Variants in C1QTNF8 observed in about 807,000 individuals in gnomAD.
The protein encoded by C1QTNF8 is C1q and TNF related 8, also known as complement C1q tumor necrosis factor-related protein 8.
A neutral mutation model predicts 19.2 loss-of-function variants in C1QTNF8; 27 were observed. That is an observed-to-expected ratio of 1.41 (90% CI 1.04 to 1.94). C1QTNF8 has a LOEUF of 1.94. Ranked by LOEUF, C1QTNF8 falls within the 30% of genes most tolerant of loss-of-function variation. The pLI is 0.00. For synonymous variants in C1QTNF8, 208 were observed against 172.8 expected, an observed-to-expected ratio of 1.20 and a Z score of -1.60; for missense variants, 484 against 374.4, an observed-to-expected ratio of 1.29 and a Z score of -2.42.
chr16:1,091,473 G>A (rs112019703), intron 4 of C1QTNF8, among the ~76,000 whole-genome samples: 7 of 152,070 alleles, frequency 4.6e-5, no homozygotes, highest in African/African-American at 1.2e-4. Flanking sequence ...AAGTGAGCAC[G>A]TGGCTGGGAG....
intron 4 of C1QTNF8, 71 bp downstream of exon 4, chr16:1,093,412 ACCCACACCCACCCC>A (rs1960601740): frequency 2.0e-6 from 1 of 500,514 alleles, no homozygotes; most frequent in African/African-American, 3.3e-5. Flanking sequence ...ACACACACAC[ACCCACACCCACCCC>A]CACACACACA....
rs1222257156 is a variant in C1QTNF8 at position 1,093,705 on chromosome 16, G to T, written c.555C>A (p.Asn185Lys). ...CGTAGAGCACGGCCGCGGGCCGCCG[G>T]TTCAGCATGATGTGCAGGTAGGTCT... ...YKETYLHIML[N>K]RRPAAVLYAQ... The change falls in exon 4 of 5, where the codon AAC (asparagine) becomes AAA (lysine). Residue 185 changes from asparagine to lysine, a missense_variant. Coordinates refer to ENST00000328449, the MANE Select transcript of C1QTNF8 (RefSeq NM_207419.3). The T allele has an allele frequency of 3.1e-6, 5 of 1,612,072 alleles. No individual in the cohort carries two copies. In the Admixed American group the frequency reaches 5.0e-5, roughly 16 times the overall value.
rs917324956 is a variant in C1QTNF8, at chr16:1,089,273, G to T, written c.*1326C>A. Among the ~76,000 whole-genome samples, 3 of 152,084 alleles carry T rather than the reference G, an allele frequency of 2.0e-5. No individual in the cohort carries two copies. The highest frequency in any genetic ancestry group is 4.4e-5 in the Non-Finnish European group (3 of 67,986). Reference sequence around the variant, plus strand: ...GCCAAGAACCTCTGCATGGCCAGCCGGGACCCCCACCCCCAGCAGCCCATA... The same window carrying T: ...GCCAAGAACCTCTGCATGGCCAGCCTGGACCCCCACCCCCAGCAGCCCATA... On this transcript the variant is annotated 3_prime_UTR_variant, in exon 5 of 5. Coordinates refer to ENST00000328449, the MANE Select transcript of C1QTNF8 (RefSeq NM_207419.3).
chr16:1,092,218 A>G (rs1960559896), intron 4 of C1QTNF8, among the ~76,000 whole-genome samples: 1 of 152,166 alleles, frequency 6.6e-6, no homozygotes, highest in Non-Finnish European at 1.5e-5. Context: ...ACTTGCTCCC[A>G]ACACACCCAG....
intron 2 of C1QTNF8, among the ~76,000 whole-genome samples, chr16:1,095,177 T>C (rs1960658621): frequency 6.6e-6 from 1 of 152,158 alleles, no homozygotes; most frequent in Non-Finnish European, 1.5e-5. Flanking sequence ...TCCCCAAAGC[T>C]GGGGCCCCCA....
intron 4 of C1QTNF8, 87 bp downstream of exon 4, chr16:1,093,410 A>C (rs1401744391): frequency 2.5e-3 from 1,135 of 458,148 alleles, no homozygotes; most frequent in Admixed American, 5.0e-3. Flanking sequence ...CCACACACAC[A>C]CACCCACACC....
rs1370229095 is a variant in C1QTNF8, at chr16:1,094,783, AG to A, written c.139del (p.Leu47CysfsTer17). 3.2e-6 allele frequency: 5 copies of A among 1,539,788 alleles called. No homozygotes were observed. Among genetic ancestry groups the A allele is most frequent in the Non-Finnish European group, 4.4e-6 (5 of 1,144,946 alleles). On this transcript the variant is annotated frameshift_variant, in exon 3 of 5. Coordinates refer to ENST00000328449, the MANE Select transcript of C1QTNF8 (RefSeq NM_207419.3). LOFTEE classifies it high-confidence loss of function. ...GPYARVSDRD[L>X]WRGDLWRGLP... ...CCCCCTCCACAGGTCCCCCCTCCAC[AG>A]GTCCCTGTCACTCACCCGGGCATAG...
intron 4 of C1QTNF8, among the ~76,000 whole-genome samples, chr16:1,091,798 C>T (rs1016911463): frequency 4.6e-5 from 7 of 150,858 alleles, no homozygotes; most frequent in Non-Finnish European, 1.5e-5. Context: ...TGCGCTCAGC[C>T]GCGTGTTTCC....
rs994025820 is a variant in C1QTNF8 at position 1,093,859 on chromosome 16, T to C, written c.401A>G (p.Gln134Arg). 6 of 1,603,052 alleles carry C rather than the reference T, an allele frequency of 3.7e-6. No individual in the cohort carries two copies. In the African/African-American group the frequency reaches 8.0e-5, roughly 21 times the overall value. ...REGLHSSDHF[Q>R]AVPFDTELVN... Reference sequence around the variant, plus strand: ...CAGCTCCGTGTCGAAGGGCACCGCCTGGAAGTGGTCGGAGCTGTGCAGGCC... The same window carrying C: ...CAGCTCCGTGTCGAAGGGCACCGCCCGGAAGTGGTCGGAGCTGTGCAGGCC... The change falls in exon 4 of 5, where the codon CAG becomes CGG. Residue 134 changes from glutamine to arginine, a missense_variant. Coordinates refer to ENST00000328449, the MANE Select transcript of C1QTNF8 (RefSeq NM_207419.3).
intron 3 of C1QTNF8, 81 bp from the exon 4 acceptor site, chr16:1,094,132 G>A (rs1251894970): frequency 6.1e-6 from 7 of 1,156,932 alleles, no homozygotes; most frequent in Non-Finnish European, 7.9e-6. Context: ...CCAGGGGCTG[G>A]GGCTCAAGGG....
intron 2 of C1QTNF8, among the ~76,000 whole-genome samples, chr16:1,095,342 C>A (rs1413680660): frequency 6.6e-6 from 1 of 152,196 alleles, no homozygotes; most frequent in Non-Finnish European, 1.5e-5. Context: ...AAAGGCCCCC[C>A]AAGGCTGGCC....
intron 3 of C1QTNF8, 150 bp from the exon 4 acceptor site, chr16:1,094,201 G>A (rs1050432074): frequency 3.6e-5 from 23 of 636,366 alleles, no homozygotes; most frequent in African/African-American, 1.9e-4. Context: ...CCGCGTCCAC[G>A]TCTGTAAGAT....
chr16:1,093,700 C>A lies in C1QTNF8; in HGVS notation c.560G>T (p.Arg187Leu), dbSNP rs1329429082. 2 of 1,611,488 alleles carry A rather than the reference C, an allele frequency of 1.2e-6. No homozygotes were observed. Among genetic ancestry groups the A allele is most frequent in the Admixed American group, 1.7e-5 (1 of 59,830 alleles). The change falls in exon 4 of 5, where the codon CGG becomes CTG. Residue 187 changes from arginine (R) to leucine (L), a missense_variant. By Grantham distance (102) the Arg-to-Leu change is moderately radical. Coordinates refer to ENST00000328449, the MANE Select transcript of C1QTNF8 (RefSeq NM_207419.3). ...CTGCGCGTAGAGCACGGCCGCGGGCCGCCGGTTCAGCATGATGTGCAGGTA... is the reference window on the plus strand; with the variant it reads ...CTGCGCGTAGAGCACGGCCGCGGGCAGCCGGTTCAGCATGATGTGCAGGTA... ...ETYLHIMLNR[R>L]PAAVLYAQPS...
chr16:1,091,047 T>C (rs1391545634), intron 4 of C1QTNF8, among the ~76,000 whole-genome samples: 5 of 151,412 alleles, frequency 3.3e-5, no homozygotes, highest in Admixed American at 2.0e-4. Flanking sequence ...TCAGTACTGG[T>C]GGGGGCCCCT....
rs991080095 is a variant in C1QTNF8 at position 1,095,633 on chromosome 16, A to G, written c.-30T>C. The stretch of plus-strand genomic sequence containing the variant: ...TGCCTACCCCACTCCCCTCACAGCC[A>G]CATCTGGAGGCTTGGCCAGGAGTGT... On this transcript the variant is annotated 5_prime_UTR_variant, in exon 2 of 5. Transcript: ENST00000328449. 6.6e-6 allele frequency: 1 copy of G among 152,196 alleles called. No homozygotes were observed. Among genetic ancestry groups the G allele is most frequent in the Admixed American group, 6.5e-5 (1 of 15,276 alleles). The allele number at this position is 152,196 out of a possible 1,614,324, so 9.4% of individuals were successfully genotyped here. A position where few individuals can be genotyped will look rare whatever the true frequency, so the allele number is the denominator to read the frequency against.
Position 1,090,269 on chromosome 16 carries a change from G to T in C1QTNF8, c.*330C>A, listed in dbSNP as rs1033794036. The stretch of plus-strand genomic sequence containing the variant: ...AAGAGGTGGATGCCGGGCGACTTGG[G>T]AGGCAGCAGGCTTGGGCAGTGGGTG... On this transcript the variant is annotated 3_prime_UTR_variant, in exon 5 of 5. Transcript: ENST00000328449. 5 of 152,836 alleles carry T rather than the reference G, an allele frequency of 3.3e-5. No individual in the cohort carries two copies. Among genetic ancestry groups the T allele is most frequent in the African/African-American group, 1.2e-4 (5 of 41,472 alleles). 9.5% of individuals were successfully genotyped at this position (152,836 alleles called of 1,614,324 possible). A position where few individuals can be genotyped will look rare whatever the true frequency, so the allele number is the denominator to read the frequency against.
At position 1,093,499 on chromosome 16, in the gene C1QTNF8, G is replaced by A; in HGVS notation, c.*2C>T. Reference sequence around the variant, plus strand: ...TGCTCAGCCGCGGGGCCCCTCACCCGGCTACAGCTCGGCGGCCGGCTTGAC... The same window carrying A: ...TGCTCAGCCGCGGGGCCCCTCACCCAGCTACAGCTCGGCGGCCGGCTTGAC... On this transcript the variant is annotated splice_region_variant and 3_prime_UTR_variant, in exon 4 of 5. Coordinates refer to ENST00000328449, the MANE Select transcript of C1QTNF8 (RefSeq NM_207419.3). 3 of 1,513,736 alleles carry A rather than the reference G, an allele frequency of 2.0e-6. No homozygotes were observed. Among genetic ancestry groups the A allele is most frequent in the Middle Eastern group, 2.2e-4 (1 of 4,606 alleles). 93.8% of individuals were successfully genotyped at this position (1,513,736 alleles called of 1,614,324 possible).
intron 4 of C1QTNF8, among the ~76,000 whole-genome samples, chr16:1,091,390 G>A (rs1035448097): frequency 3.3e-5 from 5 of 152,150 alleles, no homozygotes; most frequent in Admixed American, 6.5e-5. Context: ...GAGGCGGTGC[G>A]TGGGAGGCTG....
Position 1,093,758 on chromosome 16 carries a change from G to T in C1QTNF8, c.502C>A (p.Leu168Ile), listed in dbSNP as rs1960621296. The T allele has an allele frequency of 6.2e-7, 1 of 1,612,292 alleles. No individual in the cohort carries two copies. The highest frequency in any genetic ancestry group is 1.3e-5 in the African/African-American group (1 of 75,038). Residue 168 changes from leucine to isoleucine, a missense_variant, in exon 4 of 5, where the codon CTC (leucine) becomes ATC (isoleucine). Transcript: ENST00000328449. ...TTGTAGTTCCAGGTGTGCACGTTGA[G>T]GCTGAGGAAGTAGACGCCGGGCACC... The part of the protein sequence containing the change: ...CTVPGVYFLS[L>I]NVHTWNYKET...
Sources: gnomAD v4.1 joint callset for allele counts (sites outside exome capture counted in the v4.1 genomes callset) on GRCh38, gnomAD v4.1.1 for gene constraint, MANE v1.5 for transcripts, NCBI Gene and HGNC (gene_info 2026-07-23, HGNC 2026-07-21) for gene names.